Variants in CACNG3 observed in about 807,000 individuals in gnomAD.
The protein encoded by CACNG3 is calcium voltage-gated channel auxiliary subunit gamma 3, also known as voltage-dependent calcium channel gamma-3 subunit.
A neutral mutation model predicts 28.5 loss-of-function variants in CACNG3; 3 were observed. The observed-to-expected ratio is 0.11, with a 90% CI of 0.05 to 0.27. The LOEUF is 0.27. Among genes scored for constraint, CACNG3 ranks in the 10% least tolerant of loss-of-function variants. The pLI, the probability that CACNG3 is intolerant of heterozygous loss-of-function variation, is 1.00. For missense variants in CACNG3, 236 were observed against 414.4 expected (o/e 0.57, Z 3.74); for synonymous variants, 174 against 162.2 (o/e 1.07, Z -0.55).
chr16:24,276,364 A>G (rs1269182664), intron 1 of CACNG3, among the ~76,000 whole-genome samples: 1 of 152,240 alleles, frequency 6.6e-6, no homozygotes, highest in Non-Finnish European at 1.5e-5. Flanking sequence ...GGAAATATTA[A>G]ATAGATACAA....
At chr16:24,275,626 A>G (rs1413633902) in intron 1 of CACNG3, among the ~76,000 whole-genome samples, 1 of 152,224 alleles carries the variant, frequency 6.6e-6, no homozygotes, top group African/African-American at 2.4e-5. Flanking sequence ...TATTTGGCAG[A>G]CATTTTCTCA....
intron 1 of CACNG3, among the ~76,000 whole-genome samples, chr16:24,320,525 A>G (rs4787989): frequency 0.13 from 19,479 of 151,992 alleles, 1,610 homozygotes; most frequent in African/African-American, 0.21. Context: ...GGGATTGTGG[A>G]CCTTAGAAAT....
intron 1 of CACNG3, among the ~76,000 whole-genome samples, chr16:24,288,890 C>T (rs895885815): frequency 1.3e-5 from 2 of 152,270 alleles, no homozygotes; most frequent in South Asian, 4.1e-4. Flanking sequence ...CACACACACA[C>T]ACACACCAGA....
At chr16:24,359,827 C>T (rs529931444) in intron 3 of CACNG3, among the ~76,000 whole-genome samples, 1 of 152,148 alleles carries the variant, frequency 6.6e-6, no homozygotes, top group African/African-American at 2.4e-5. Flanking sequence ...TGTTCCACTG[C>T]ACTCCAGCCT....
At chr16:24,312,013 T>C (rs576993516) in intron 1 of CACNG3, among the ~76,000 whole-genome samples, 1 of 152,292 alleles carries the variant, frequency 6.6e-6, no homozygotes, top group Admixed American at 6.5e-5. Flanking sequence ...TTTGAGAAAA[T>C]GTTAGAGTCA....
rs149769761 is a variant in CACNG3 at position 24,341,641 on chromosome 16, G to T, written c.212-5093G>T. ...TCATTCTGTAGAAGAAGGAACTGAG[G>T]TTTGGAGAGGTAATTTGCCATAGAT... On this transcript the variant is annotated intron_variant, in intron 1 of 3. Transcript: ENST00000005284. Among the ~76,000 whole-genome samples the T allele has an allele frequency of 8.5e-5, 13 of 152,334 alleles. No individual in the cohort carries two copies. In the East Asian group the frequency reaches 2.3e-3, roughly 27 times the overall value.
At chr16:24,330,022 G>C (rs754969989) in intron 1 of CACNG3, among the ~76,000 whole-genome samples, 8 of 152,078 alleles carry the variant, frequency 5.3e-5, no homozygotes, top group Non-Finnish European at 8.8e-5. Flanking sequence ...GGGCAACAGA[G>C]TGAGACTGTG....
chr16:24,277,841 G>A (rs917939596), intron 1 of CACNG3, among the ~76,000 whole-genome samples: 8 of 151,886 alleles, frequency 5.3e-5, no homozygotes, highest in African/African-American at 1.7e-4. Context: ...AGAGCAATAG[G>A]ATCTAAATTG....
chr16:24,301,552 A>T (rs1899112096), intron 1 of CACNG3, among the ~76,000 whole-genome samples: 1 of 152,202 alleles, frequency 6.6e-6, no homozygotes, highest in Admixed American at 6.5e-5. Flanking sequence ...AAAGGACTTC[A>T]GCCTGCCCAG....
At chr16:24,359,508 C>A (rs924186291) in intron 3 of CACNG3, among the ~76,000 whole-genome samples, 1 of 152,036 alleles carries the variant, frequency 6.6e-6, no homozygotes, top group African/African-American at 2.4e-5. Flanking sequence ...AGAGAAGCAG[C>A]AAATTTTAGC....
At chr16:24,322,025 C>T (rs1899467684) in intron 1 of CACNG3, among the ~76,000 whole-genome samples, 1 of 152,094 alleles carries the variant, frequency 6.6e-6, no homozygotes, top group African/African-American at 2.4e-5. Flanking sequence ...TACCCGTGTA[C>T]CAGATGAGGA....
intron 1 of CACNG3, among the ~76,000 whole-genome samples, chr16:24,342,768 A>G (rs1899808942): frequency 2.0e-5 from 3 of 152,102 alleles, no homozygotes; most frequent in Admixed American, 1.3e-4. Flanking sequence ...TGAATTTCAC[A>G]TTTTTTTGCA....
At chr16:24,331,285 C>T (rs532899589) in intron 1 of CACNG3, among the ~76,000 whole-genome samples, 6 of 152,208 alleles carry the variant, frequency 3.9e-5, no homozygotes, top group Non-Finnish European at 5.9e-5. Flanking sequence ...ATGGGCCGAT[C>T]AAGCAAAGAG....
At chr16:24,335,283 G>A (rs1899687520) in intron 1 of CACNG3, among the ~76,000 whole-genome samples, 1 of 152,036 alleles carries the variant, frequency 6.6e-6, no homozygotes, top group Non-Finnish European at 1.5e-5. Flanking sequence ...AGCTGGGCGT[G>A]GTGGCGGGCA....
At chr16:24,355,029 C>G in intron 3 of CACNG3, 56 bp downstream of exon 3, 1 of 1,550,318 alleles carries the variant, frequency 6.5e-7, no homozygotes, top group Non-Finnish European at 8.9e-7. Context: ...GAAGCCAGGG[C>G]CACATGGAGG....
chr16:24,313,781 G>C (rs1474515424), intron 1 of CACNG3, among the ~76,000 whole-genome samples: 3 of 152,040 alleles, frequency 2.0e-5, no homozygotes, highest in South Asian at 4.1e-4. Context: ...ATCTGGTTCT[G>C]TCGCCCAGGC....
At chr16:24,360,481 A>C (rs190919187) in intron 3 of CACNG3, among the ~76,000 whole-genome samples, 2 of 152,288 alleles carry the variant, frequency 1.3e-5, no homozygotes, top group African/African-American at 4.8e-5. Context: ...CTGGTGCTCA[A>C]ACAACAGCTG....
At chr16:24,302,212 C>T (rs1172163153) in intron 1 of CACNG3, among the ~76,000 whole-genome samples, 1 of 152,172 alleles carries the variant, frequency 6.6e-6, no homozygotes, top group Admixed American at 6.5e-5. Context: ...GCCTGAGTAA[C>T]GTTTTGAAAA....
intron 1 of CACNG3, among the ~76,000 whole-genome samples, chr16:24,266,425 C>T (rs1446597631): frequency 1.3e-5 from 2 of 152,128 alleles, no homozygotes; most frequent in Non-Finnish European, 2.9e-5. Flanking sequence ...TGTTACAAAT[C>T]ACAAAGAGAG....
Sources: gnomAD v4.1 joint callset for allele counts (sites outside exome capture counted in the v4.1 genomes callset) on GRCh38, gnomAD v4.1.1 for gene constraint, MANE v1.5 for transcripts, NCBI Gene and HGNC (gene_info 2026-07-23, HGNC 2026-07-21) for gene names.